HMGN5: variants seen among roughly 807,000 people sequenced by gnomAD.
HMGN5 encodes high mobility group nucleosome binding domain 5.
HMGN5 carries 4 observed loss-of-function variants against 9.5 expected under a neutral mutation model. That is an observed-to-expected ratio of 0.42 (90% CI 0.21 to 0.96). The LOEUF (loss-of-function observed/expected upper bound fraction) is 0.96, where lower values mean the gene tolerates loss of function less well. Ranked by LOEUF, HMGN5 falls within the 40% of genes least tolerant of loss-of-function variation. The pLI, the probability that HMGN5 is intolerant of heterozygous loss-of-function variation, is 0.30. For synonymous variants in HMGN5, 55 were observed against 57.1 expected, an observed-to-expected ratio of 0.96 and a Z score of 0.16; for missense variants, 192 against 187.5, an observed-to-expected ratio of 1.02 and a Z score of -0.14.
At position 81,157,885 on chromosome X, in the gene HMGN5, T is replaced by G. The variant is rs1336115206; in HGVS notation, c.-123-36213A>C. On this transcript the variant is annotated intron_variant, in intron 1 of 6. Coordinates refer to ENST00000358130, the MANE Select transcript of HMGN5 (RefSeq NM_030763.3). ...AGCTCTGCCTCCTGGGTTCACGCCA[T>G]TCTCCTGCCTCAGCCTCCCAAGTAG... Among the ~76,000 whole-genome samples the G allele has an allele frequency of 3.6e-5, 4 of 110,187 alleles. No individual in the cohort carries two copies. The Admixed American group carries it at 3.9e-4, about 11-fold the overall frequency.
At chrX:81,188,568 C>A (rs2075484925) in intron 1 of HMGN5, among the ~76,000 whole-genome samples, 1 of 109,855 alleles carries the variant, frequency 9.1e-6, no homozygotes, top group Non-Finnish European at 1.9e-5. Context: ...TGTTCGTTTG[C>A]TGCTCCCATT....
intron 1 of HMGN5, among the ~76,000 whole-genome samples, chrX:81,144,726 C>A (rs928331364): frequency 9.0e-6 from 1 of 111,066 alleles, no homozygotes; most frequent in Admixed American, 9.6e-5. Flanking sequence ...TGTTCTAACC[C>A]AATCCAAGGA....
At chrX:81,197,024 G>A (rs144359757) in intron 1 of HMGN5, among the ~76,000 whole-genome samples, 132 of 111,933 alleles carry the variant, frequency 1.2e-3, no homozygotes, top group African/African-American at 4.1e-3. Context: ...AAATTACCCA[G>A]TCTTTGGTAT....
chrX:81,122,222 G>A (rs2075271249), intron 1 of HMGN5, among the ~76,000 whole-genome samples: 1 of 111,889 alleles, frequency 8.9e-6, no homozygotes, highest in African/African-American at 3.3e-5. Flanking sequence ...GCAAGAGGAG[G>A]GTGCCAAAAT....
chrX:81,136,212 C>T (rs1236032318), intron 1 of HMGN5, among the ~76,000 whole-genome samples: 1 of 111,538 alleles, frequency 9.0e-6, no homozygotes, highest in Non-Finnish European at 1.9e-5. Context: ...CTAAAAACAT[C>T]GAATTTTACA....
chrX:81,178,467 G>A (rs1204293160), intron 1 of HMGN5, among the ~76,000 whole-genome samples: 1 of 111,671 alleles, frequency 9.0e-6, no homozygotes, highest in African/African-American at 3.3e-5. Flanking sequence ...TACAACAAAT[G>A]GATAAGTTCC....
rs997209207 is a variant in HMGN5 at position 81,200,370 on chromosome X, A to C, written c.-124+1367T>G. ...AATCTCATTACTGAGCATATACCCA[A>C]AGGATTATAAATCTTTCTATAATAA... On this transcript the variant is annotated intron_variant, in intron 1 of 6. Coordinates refer to ENST00000358130, the MANE Select transcript of HMGN5 (RefSeq NM_030763.3). Among the ~76,000 whole-genome samples the C allele has an allele frequency of 2.7e-5, 3 of 112,181 alleles. No individual in the cohort carries two copies. The Admixed American group carries it at 2.8e-4, about 11-fold the overall frequency.
At chrX:81,186,960 G>A (rs140686832) in intron 1 of HMGN5, among the ~76,000 whole-genome samples, 52 of 111,220 alleles carry the variant, frequency 4.7e-4, no homozygotes, top group African/African-American at 1.6e-3. Context: ...CTGATCCACC[G>A]GTCATTCAGG....
chrX:81,134,039 C>G (rs6652980), intron 1 of HMGN5, among the ~76,000 whole-genome samples: 2 of 110,917 alleles, frequency 1.8e-5, no homozygotes, highest in Non-Finnish European at 3.8e-5. Flanking sequence ...TCCAGGAGTA[C>G]AATAAATGAA....
intron 1 of HMGN5, among the ~76,000 whole-genome samples, chrX:81,175,293 A>G: frequency 9.0e-6 from 1 of 111,490 alleles, no homozygotes; most frequent in South Asian, 3.8e-4. Flanking sequence ...GGCTAAATAA[A>G]TATGGGAAAC....
intron 1 of HMGN5, among the ~76,000 whole-genome samples, chrX:81,147,794 C>G (rs1430358055): frequency 8.9e-6 from 1 of 111,983 alleles, no homozygotes; most frequent in Non-Finnish European, 1.9e-5. Flanking sequence ...TCTCAGGATA[C>G]AAAATCGATG....
intron 1 of HMGN5, among the ~76,000 whole-genome samples, chrX:81,129,147 G>A (rs777498784): frequency 3.6e-5 from 4 of 111,054 alleles, no homozygotes; most frequent in East Asian, 5.7e-4. Flanking sequence ...GCTGTGGGAC[G>A]CCAAATCAGA....
At chrX:81,193,245 A>C (rs910664960) in intron 1 of HMGN5, among the ~76,000 whole-genome samples, 1 of 111,833 alleles carries the variant, frequency 8.9e-6, no homozygotes, top group African/African-American at 3.3e-5. Context: ...CTGCAGTATG[A>C]GAAGATCAAC....
At chrX:81,121,471 T>C in intron 2 of HMGN5, 64 bp downstream of exon 2, 1 of 1,067,816 alleles carries the variant, frequency 9.4e-7, no homozygotes, top group Non-Finnish European at 1.3e-6. Flanking sequence ...ACAAATAAAT[T>C]CTTCCTATTA....
chrX:81,149,892 C>A (rs1292575192), intron 1 of HMGN5, among the ~76,000 whole-genome samples: 1 of 111,813 alleles, frequency 8.9e-6, no homozygotes, highest in East Asian at 2.8e-4. Context: ...CAACCTGGAG[C>A]ACCTGGATTT....
chrX:81,175,727 T>C (rs1176443764), intron 1 of HMGN5, among the ~76,000 whole-genome samples: 2 of 111,622 alleles, frequency 1.8e-5, no homozygotes, highest in African/African-American at 6.5e-5. Flanking sequence ...TAATCTGTTA[T>C]GGAGCATGCC....
chrX:81,168,216 A>C (rs994799881), intron 1 of HMGN5, among the ~76,000 whole-genome samples: 5 of 111,695 alleles, frequency 4.5e-5, no homozygotes, highest in African/African-American at 1.6e-4. Flanking sequence ...TATGCAAAGT[A>C]CTCTAGAGGT....
chrX:81,198,161 G>A (rs187124230), intron 1 of HMGN5, among the ~76,000 whole-genome samples: 1 of 111,799 alleles, frequency 8.9e-6, no homozygotes, highest in African/African-American at 3.2e-5. Flanking sequence ...TGTATGAATA[G>A]TGTGGGCCTA....
chrX:81,192,872 A>T (rs1253606610), intron 1 of HMGN5, among the ~76,000 whole-genome samples: 2 of 105,882 alleles, frequency 1.9e-5, no homozygotes, highest in Non-Finnish European at 3.9e-5. Flanking sequence ...GTCAGCAATA[A>T]TTTTTTTTTT....
Sources: allele counts gnomAD v4.1 joint callset (sites outside exome capture counted in the v4.1 genomes callset), GRCh38; gene constraint gnomAD v4.1.1; transcripts MANE v1.5; gene names NCBI Gene and HGNC (gene_info 2026-07-23, HGNC 2026-07-21).